Variants in NACC2 observed in about 807,000 individuals in gnomAD.
NACC2 encodes NACC family member 2.
NACC2 carries 8 observed loss-of-function variants against 25.1 expected under a neutral mutation model. That is an observed-to-expected ratio of 0.32 (90% CI 0.19 to 0.57). The LOEUF is 0.57. NACC2 is among the 20% of genes least tolerant of loss of function. The probability of loss-of-function intolerance (pLI) is 0.89; values close to 1 mark genes in which losing one functional copy is unlikely to be tolerated. For synonymous variants in NACC2, 435 were observed against 294.7 expected (o/e 1.48, Z -4.88); for missense variants, 644 against 650.2 (o/e 0.99, Z 0.10).
At chr9:136,092,214 G>A (rs536031943) in intron 1 of NACC2, among the ~76,000 whole-genome samples, 2 of 152,200 alleles carry the variant, frequency 1.3e-5, no homozygotes, top group Non-Finnish European at 2.9e-5. Context: ...GGAAAGGAAC[G>A]AAATGCTGGG....
chr9:136,086,882 C>T lies in NACC2; in HGVS notation c.-60+8307G>A, dbSNP rs1040352251. On this transcript the variant is annotated intron_variant, in intron 1 of 5. Transcript: ENST00000277554. The surrounding 1 kb of genome is among the most constrained non-coding windows in gnomAD (Gnocchi z 5.6). Reference sequence around the variant, plus strand: ...AGAGCCAGCCCCCCAGTGCCCTCTACGCACTAAAGGCTTTCTGCCCCTCCC... The same window carrying T: ...AGAGCCAGCCCCCCAGTGCCCTCTATGCACTAAAGGCTTTCTGCCCCTCCC... 3.3e-4 allele frequency among the ~76,000 whole-genome samples: 50 copies of T among 152,202 alleles called. No homozygotes were observed. Among genetic ancestry groups the T allele is most frequent in the African/African-American group, 1.1e-3 (45 of 41,450 alleles).
At chr9:136,054,280 A>C (rs1840890672) in intron 1 of NACC2, among the ~76,000 whole-genome samples, 1 of 152,104 alleles carries the variant, frequency 6.6e-6, no homozygotes, top group Non-Finnish European at 1.5e-5. Context: ...TCTCCCAGAG[A>C]AGGGACCATT....
At chr9:136,050,701 C>G (rs996978273) in intron 1 of NACC2, 121 bp from the exon 2 acceptor site, 1 of 620,106 alleles carries the variant, frequency 1.6e-6, no homozygotes, top group South Asian at 1.8e-5. Context: ...TCCGCACGCG[C>G]CCTCCCCCGC....
At chr9:136,088,627 C>T (rs1055182192) in intron 1 of NACC2, among the ~76,000 whole-genome samples, 7 of 152,242 alleles carry the variant, frequency 4.6e-5, no homozygotes, top group Non-Finnish European at 1.0e-4. Flanking sequence ...GCCATCCCAA[C>T]CACGATGGCC....
intron 2 of NACC2, among the ~76,000 whole-genome samples, chr9:136,027,320 A>G (rs556716612): frequency 6.6e-6 from 1 of 152,348 alleles, no homozygotes; most frequent in South Asian, 2.1e-4. Context: ...AAAGAGATGT[A>G]CCAGGTAAAT....
In NACC2 at chr9:136,011,846, G is replaced by A. The variant is rs763338858; in HGVS notation, c.1434C>T (p.Pro478=). The A allele has an allele frequency of 1.9e-6, 3 of 1,564,824 alleles. No individual in the cohort carries two copies. The highest frequency in any genetic ancestry group is 4.8e-5 in the East Asian group (2 of 41,966). Residue 478 remains proline (P), a synonymous_variant, in exon 6 of 6, where the codon CCC becomes CCT. Transcript: ENST00000277554. ...TVMGSAAASV[P]LDPEFPPAAA... ...CGGCAGGCGGGAACTCGGGGTCGAG[G>A]GGCACGCTGGCGGCGGCGGAGCCCA...
intron 2 of NACC2, among the ~76,000 whole-genome samples, chr9:136,017,702 ACCCTGCTCAG>A (rs1281243579): frequency 6.6e-6 from 1 of 152,168 alleles, no homozygotes; most frequent in Non-Finnish European, 1.5e-5. Flanking sequence ...CAGCACAGCC[ACCCTGCTCAG>A]GTGAGGGCGG....
chr9:136,044,340 C>T lies in NACC2; in HGVS notation c.886+5296G>A, dbSNP rs996322090. On this transcript the variant is annotated intron_variant, in intron 2 of 5. Coordinates refer to ENST00000277554, the MANE Select transcript of NACC2 (RefSeq NM_144653.5). The stretch of plus-strand genomic sequence containing the variant: ...AGGCCACCTGGACAATATAGCGAGA[C>T]CCTGTCTCTATAAATAATTACAAAA... 3.6e-4 allele frequency among the ~76,000 whole-genome samples: 55 copies of T among 152,254 alleles called. 1 individual carries two copies. In the East Asian group the frequency reaches 0.01, roughly 28 times the overall value.
Position 136,018,062 on chromosome 9 carries a change from A to T in NACC2, c.887-1633T>A, listed in dbSNP as rs1197007713. On this transcript the variant is annotated intron_variant, in intron 2 of 5. Coordinates refer to ENST00000277554, the MANE Select transcript of NACC2 (RefSeq NM_144653.5). The surrounding 1 kb of genome is among the most constrained non-coding windows in gnomAD (Gnocchi z 4.4). Reference sequence around the variant, plus strand: ...CAGGACCTGCTGGTCTCAGCTGTGCAGAGGGAGGGGTGGGGTGGAACCTGC... The same window carrying T: ...CAGGACCTGCTGGTCTCAGCTGTGCTGAGGGAGGGGTGGGGTGGAACCTGC... Among the ~76,000 whole-genome samples, 1 of 152,206 alleles carries T rather than the reference A, an allele frequency of 6.6e-6. No individual in the cohort carries two copies. The highest frequency in any genetic ancestry group is 1.9e-4 in the East Asian group (1 of 5,160).
chr9:136,049,575 G>A (rs1170030498), intron 2 of NACC2, 61 bp downstream of exon 2: 18 of 724,922 alleles, frequency 2.5e-5, no homozygotes, highest in Admixed American at 2.2e-4. Context: ...TGAGCCACCC[G>A]GGTCCCAGGC....
intron 1 of NACC2, among the ~76,000 whole-genome samples, chr9:136,074,850 A>C (rs186926138): frequency 6.6e-6 from 1 of 152,274 alleles, no homozygotes; most frequent in Admixed American, 6.5e-5. Flanking sequence ...CACCTCACAC[A>C]GAGCGGCAGG....
chr9:136,031,429 C>T (rs552540339), intron 2 of NACC2, among the ~76,000 whole-genome samples: 1 of 152,278 alleles, frequency 6.6e-6, no homozygotes, highest in South Asian at 2.1e-4. Flanking sequence ...ACTCTGCCTC[C>T]CGGGTTCGAG....
At chr9:136,025,029 G>A (rs545598532) in intron 2 of NACC2, among the ~76,000 whole-genome samples, 6 of 152,214 alleles carry the variant, frequency 3.9e-5, no homozygotes, top group African/African-American at 1.2e-4. Flanking sequence ...CAACTGCCAA[G>A]AAACGAAAAA....
chr9:136,078,732 G>A (rs538346199), intron 1 of NACC2, among the ~76,000 whole-genome samples: 5 of 152,378 alleles, frequency 3.3e-5, no homozygotes, highest in South Asian at 2.1e-4. Flanking sequence ...AGCAAAGCGA[G>A]CCCCTCAGGC....
chr9:136,091,596 C>A (rs747042312), intron 1 of NACC2, among the ~76,000 whole-genome samples: 10 of 152,224 alleles, frequency 6.6e-5, no homozygotes, highest in Non-Finnish European at 1.3e-4. Context: ...TACTTCCAGA[C>A]AGATGCCTTC....
At chr9:136,061,455 T>C (rs1016740857) in intron 1 of NACC2, among the ~76,000 whole-genome samples, 3 of 152,168 alleles carry the variant, frequency 2.0e-5, no homozygotes, top group Admixed American at 6.5e-5. Flanking sequence ...CCAGGAACCC[T>C]GACCATTGAG....
chr9:136,029,478 G>A (rs888503041), intron 2 of NACC2, among the ~76,000 whole-genome samples: 4 of 152,236 alleles, frequency 2.6e-5, no homozygotes, highest in African/African-American at 9.6e-5. Context: ...CCAAATGGCA[G>A]GATTAAAAGA....
chr9:136,033,704 T>C (rs1326608579), intron 2 of NACC2, among the ~76,000 whole-genome samples: 1 of 149,900 alleles, frequency 6.7e-6, no homozygotes, highest in East Asian at 1.9e-4. Flanking sequence ...AAAAAAGATG[T>C]GCAGAGAACT....
chr9:136,061,403 T>G (rs1841008660), intron 1 of NACC2, among the ~76,000 whole-genome samples: 1 of 152,080 alleles, frequency 6.6e-6, no homozygotes, highest in South Asian at 2.1e-4. Context: ...CAGGCCCAGA[T>G]GCTGGAGGTC....
Sources: allele counts gnomAD v4.1 joint callset (sites outside exome capture counted in the v4.1 genomes callset), GRCh38; gene constraint gnomAD v4.1.1; non-coding constraint Gnocchi (gnomAD v3.1); transcripts MANE v1.5; gene names NCBI Gene and HGNC (gene_info 2026-07-23, HGNC 2026-07-21).